NOX4: variants seen among roughly 807,000 people sequenced by gnomAD.
NOX4 encodes kidney oxidase-1.
Under a neutral mutation model 87.6 loss-of-function variants are expected in NOX4, and 69 were observed. That is an observed-to-expected ratio of 0.79 (90% CI 0.65 to 0.96). The LOEUF (loss-of-function observed/expected upper bound fraction) is 0.96, where lower values mean the gene tolerates loss of function less well. Ranked by LOEUF, NOX4 falls within the 40% of genes least tolerant of loss-of-function variation. NOX4 has a pLI of 0.00. For synonymous variants in NOX4, 275 were observed against 238.2 expected (o/e 1.15, Z -1.42); for missense variants, 680 against 681.5 (o/e 1.00, Z 0.02).
At chr11:89,335,650 A>G (rs1590949408) in intron 17 of NOX4, among the ~76,000 whole-genome samples, 195 bp downstream of exon 17, 2 of 151,824 alleles carry the variant, frequency 1.3e-5, no homozygotes, top group Non-Finnish European at 2.9e-5. Flanking sequence ...TCTAAGCCAA[A>G]CTTTAATTAT....
At chr11:89,520,205 G>A in the NOX4 span, among the ~76,000 whole-genome samples, 1 of 151,522 alleles carries the variant, frequency 6.6e-6, no homozygotes, top group Non-Finnish European at 1.5e-5. Context: ...GCCCTGAAGA[G>A]GCTAAAAAAA....
chr11:89,409,698 G>A (rs976526094), intron 8 of NOX4, among the ~76,000 whole-genome samples: 1 of 151,878 alleles, frequency 6.6e-6, no homozygotes, highest in Non-Finnish European at 1.5e-5. Flanking sequence ...TTGGAAGTTG[G>A]CAAACAAAAT....
intron 12 of NOX4, among the ~76,000 whole-genome samples, chr11:89,364,097 A>G (rs1486584102): frequency 6.6e-6 from 1 of 152,046 alleles, no homozygotes; most frequent in Non-Finnish European, 1.5e-5. Context: ...AGTTTAAAAA[A>G]TTAGCCAGAT....
At chr11:89,473,342 C>T (rs1946024170) in intron 2 of NOX4, among the ~76,000 whole-genome samples, 1 of 152,048 alleles carries the variant, frequency 6.6e-6, no homozygotes, top group African/African-American at 2.4e-5. Flanking sequence ...TCATCTACTC[C>T]TCATCAAAAA....
At chr11:89,439,426 A>G (rs768903950) in intron 6 of NOX4, among the ~76,000 whole-genome samples, 4 of 152,166 alleles carry the variant, frequency 2.6e-5, no homozygotes, top group Non-Finnish European at 5.9e-5. Flanking sequence ...TTATAAATCT[A>G]TAGACAAAAG....
chr11:89,437,798 A>G (rs1944155991), intron 6 of NOX4, among the ~76,000 whole-genome samples: 2 of 152,064 alleles, frequency 1.3e-5, no homozygotes, highest in Admixed American at 1.3e-4. Context: ...TTCAATATCC[A>G]TGCGATTGGT....
intron 7 of NOX4, among the ~76,000 whole-genome samples, chr11:89,430,904 C>T (rs1943744174): frequency 6.6e-6 from 1 of 152,154 alleles, no homozygotes. Flanking sequence ...CAAGACAATC[C>T]TAAGCCAAAA....
intron 4 of NOX4, among the ~76,000 whole-genome samples, chr11:89,445,557 T>G (rs544079470): frequency 1.1e-4 from 17 of 152,068 alleles, no homozygotes; most frequent in Non-Finnish European, 2.1e-4. Flanking sequence ...AGCCCAGAAA[T>G]ACGCCCACAT....
At chr11:89,578,218 G>A in the NOX4 span, among the ~76,000 whole-genome samples, 3 of 149,744 alleles carry the variant, frequency 2.0e-5, no homozygotes, top group African/African-American at 5.0e-5. Context: ...CTGGAGTGCC[G>A]TGGCGTGATC....
chr11:89,426,541 A>G (rs1943426749), intron 7 of NOX4, among the ~76,000 whole-genome samples: 1 of 152,114 alleles, frequency 6.6e-6, no homozygotes, highest in Admixed American at 6.5e-5. Context: ...GTGCTTTTCC[A>G]ATGGTCTTAG....
At chr11:89,522,438 A>G in the NOX4 span, among the ~76,000 whole-genome samples, 1 of 152,210 alleles carries the variant, frequency 6.6e-6, no homozygotes, top group Non-Finnish European at 1.5e-5. Flanking sequence ...TCTTACTTAT[A>G]GATGGGAGCT....
At chr11:89,387,496 T>A (rs185923085) in intron 11 of NOX4, among the ~76,000 whole-genome samples, 1 of 152,244 alleles carries the variant, frequency 6.6e-6, no homozygotes, top group Non-Finnish European at 1.5e-5. Flanking sequence ...ACCCAGGTGA[T>A]TAAAAAGCTT....
At chr11:89,539,521 T>C in the NOX4 span, among the ~76,000 whole-genome samples, 8 of 152,176 alleles carry the variant, frequency 5.3e-5, no homozygotes, top group Admixed American at 6.5e-5. Context: ...CCAAACTGAC[T>C]GACAGACATT....
intron 8 of NOX4, among the ~76,000 whole-genome samples, chr11:89,421,102 A>G (rs1412420205): frequency 6.6e-6 from 1 of 152,162 alleles, no homozygotes; most frequent in Non-Finnish European, 1.5e-5. Flanking sequence ...TTTCTACTTA[A>G]TAAGCACCTG....
At chr11:89,468,196 T>G (rs1945787715) in intron 2 of NOX4, among the ~76,000 whole-genome samples, 1 of 152,162 alleles carries the variant, frequency 6.6e-6, no homozygotes, top group Non-Finnish European at 1.5e-5. Context: ...CTATTTTGTT[T>G]TCTTACACTA....
At chr11:89,376,635 C>T (rs1939860018) in intron 11 of NOX4, among the ~76,000 whole-genome samples, 1 of 152,160 alleles carries the variant, frequency 6.6e-6, no homozygotes, top group Admixed American at 6.5e-5. Flanking sequence ...GTAATCCTAG[C>T]ACTTTGGGAG....
chr11:89,446,163 C>T (rs1365562431), intron 4 of NOX4, among the ~76,000 whole-genome samples: 2 of 151,982 alleles, frequency 1.3e-5, no homozygotes, highest in African/African-American at 4.8e-5. Context: ...TGACAAGTTA[C>T]CACTACGTAC....
intron 11 of NOX4, 29 bp downstream of exon 11, chr11:89,399,988 T>C (rs376698503): frequency 1.9e-5 from 29 of 1,560,534 alleles, no homozygotes; most frequent in Non-Finnish European, 2.5e-5. Flanking sequence ...ACCCTACAAA[T>C]GTGAAAAAGC....
chr11:89,435,731 T>C (rs1296035195), intron 6 of NOX4, among the ~76,000 whole-genome samples: 1 of 152,114 alleles, frequency 6.6e-6, no homozygotes, highest in Non-Finnish European at 1.5e-5. Context: ...GCCAATGATG[T>C]ATATGGTCTG....
Sources: allele counts gnomAD v4.1 joint callset (sites outside exome capture counted in the v4.1 genomes callset), GRCh38; gene constraint gnomAD v4.1.1; transcripts MANE v1.5; gene names NCBI Gene and HGNC (gene_info 2026-07-23, HGNC 2026-07-21).